Variants in ADAM23 observed in about 807,000 individuals in gnomAD.
ADAM23 encodes the protein disintegrin and metalloproteinase domain-containing protein 23.
Under a neutral mutation model 120.1 loss-of-function variants are expected in ADAM23, and 33 were observed. The ratio of observed to expected loss-of-function variants is 0.27; its 90% CI spans 0.21 to 0.37. The LOEUF (loss-of-function observed/expected upper bound fraction) is 0.37, where lower values mean the gene tolerates loss of function less well. ADAM23 is among the 10% of genes least tolerant of loss of function. The probability of loss-of-function intolerance (pLI) is 1.00; values close to 1 mark genes in which losing one functional copy is unlikely to be tolerated. For synonymous variants in ADAM23, 367 were observed against 375.2 expected, an observed-to-expected ratio of 0.98 and a Z score of 0.25; for missense variants, 862 against 1,058.2, an observed-to-expected ratio of 0.81 and a Z score of 2.57.
At chr2:206,448,844 G>A (rs1196646848) in intron 2 of ADAM23, among the ~76,000 whole-genome samples, 1 of 152,172 alleles carries the variant, frequency 6.6e-6, no homozygotes, top group South Asian at 2.1e-4. Context: ...TGTATTCTTT[G>A]TAATATCTGT....
chr2:206,540,831 G>A (rs920660951), intron 4 of ADAM23, among the ~76,000 whole-genome samples: 7 of 151,820 alleles, frequency 4.6e-5, no homozygotes, highest in African/African-American at 1.7e-4. Context: ...GGAAGTCGGG[G>A]ACTTCCCTAG....
At chr2:206,605,428 T>C (rs929301608) in intron 24 of ADAM23, among the ~76,000 whole-genome samples, 2 of 152,246 alleles carry the variant, frequency 1.3e-5, no homozygotes, top group African/African-American at 2.4e-5. Context: ...TTATAAACAA[T>C]TACTAATGGT....
At chr2:206,571,273 A>C (rs1183302472) in intron 16 of ADAM23, among the ~76,000 whole-genome samples, 1 of 152,002 alleles carries the variant, frequency 6.6e-6, no homozygotes, top group African/African-American at 2.4e-5. Context: ...CAGGAGATAG[A>C]GACCATCCTG....
chr2:206,487,967 C>A (rs12104778), intron 3 of ADAM23, among the ~76,000 whole-genome samples: 23,485 of 152,132 alleles, frequency 0.15, 2,707 homozygotes, highest in African/African-American at 0.31. Context: ...TTTAGGAAAA[C>A]AATCTTTATT....
intron 10 of ADAM23, among the ~76,000 whole-genome samples, chr2:206,558,698 C>T (rs1399239577): frequency 6.6e-6 from 1 of 152,204 alleles, no homozygotes; most frequent in East Asian, 1.9e-4. Flanking sequence ...TACTTGGTAG[C>T]ATCTCTGAAT....
intron 3 of ADAM23, among the ~76,000 whole-genome samples, chr2:206,518,009 A>G (rs1559244721): frequency 6.6e-6 from 1 of 152,190 alleles, no homozygotes; most frequent in African/African-American, 2.4e-5. Flanking sequence ...TTTGATCCAA[A>G]CACTGCAAGG....
At chr2:206,466,419 C>T (rs550268743) in intron 2 of ADAM23, among the ~76,000 whole-genome samples, 24 of 152,222 alleles carry the variant, frequency 1.6e-4, no homozygotes, top group African/African-American at 5.1e-4. Context: ...TTTTAAAACC[C>T]GATTAGTATG....
intron 4 of ADAM23, among the ~76,000 whole-genome samples, chr2:206,537,128 A>G (rs189710633): frequency 1.3e-5 from 2 of 152,328 alleles, no homozygotes; most frequent in East Asian, 3.9e-4. Flanking sequence ...AACCAAACAG[A>G]TAAAGATCCC....
intron 25 of ADAM23, among the ~76,000 whole-genome samples, chr2:206,612,165 A>G (rs558119297): frequency 6.6e-6 from 1 of 152,216 alleles, no homozygotes; most frequent in East Asian, 1.9e-4. Context: ...GTTGGTTGCT[A>G]CATGAGGACC....
chr2:206,458,925 A>G (rs944282539), intron 2 of ADAM23, among the ~76,000 whole-genome samples: 7 of 152,228 alleles, frequency 4.6e-5, no homozygotes, highest in African/African-American at 1.7e-4. Context: ...AAGAAATTTA[A>G]CAGGGTAGAA....
chr2:206,576,049 A>G (rs1308780898), intron 18 of ADAM23, among the ~76,000 whole-genome samples: 1 of 152,160 alleles, frequency 6.6e-6, no homozygotes, highest in African/African-American at 2.4e-5. Flanking sequence ...GGTACAGTGA[A>G]ATATGTTCAG....
chr2:206,500,515 G>A (rs760086719), intron 3 of ADAM23, among the ~76,000 whole-genome samples: 12 of 152,032 alleles, frequency 7.9e-5, no homozygotes, highest in Non-Finnish European at 1.6e-4. Flanking sequence ...AATGATACAG[G>A]GTCTGTAATC....
chr2:206,507,468 C>T (rs1246255360), intron 3 of ADAM23, among the ~76,000 whole-genome samples: 1 of 152,148 alleles, frequency 6.6e-6, no homozygotes, highest in African/African-American at 2.4e-5. Flanking sequence ...CTCCCACCTT[C>T]ACCTTCCACT....
chr2:206,575,919 A>G (rs1257428219), intron 18 of ADAM23, among the ~76,000 whole-genome samples: 1 of 152,188 alleles, frequency 6.6e-6, no homozygotes. Flanking sequence ...GGTTACACTG[A>G]GTTCCTTAAC....
At chr2:206,570,922 T>C in intron 16 of ADAM23, 111 bp downstream of exon 16, 1 of 888,394 alleles carries the variant, frequency 1.1e-6, no homozygotes, top group East Asian at 2.7e-5. Flanking sequence ...CCTTTCTTTC[T>C]CATCTCTCTG....
intron 3 of ADAM23, among the ~76,000 whole-genome samples, chr2:206,488,218 G>A (rs1451918805): frequency 6.6e-6 from 1 of 152,166 alleles, no homozygotes; most frequent in East Asian, 1.9e-4. Flanking sequence ...TGAGCTTCTC[G>A]TTTGCGTAAG....
intron 22 of ADAM23, 114 bp from the exon 23 acceptor site, chr2:206,594,623 G>A (rs1158286115): frequency 1.4e-5 from 17 of 1,193,254 alleles, no homozygotes; most frequent in Non-Finnish European, 2.0e-5. Flanking sequence ...AAAATGCTAG[G>A]AGAAATCCAC....
intron 24 of ADAM23, among the ~76,000 whole-genome samples, chr2:206,609,335 A>G (rs1213919550): frequency 6.6e-6 from 1 of 152,176 alleles, no homozygotes; most frequent in Non-Finnish European, 1.5e-5. Flanking sequence ...TTACCACTGT[A>G]AGGATAGTGA....
intron 11 of ADAM23, among the ~76,000 whole-genome samples, chr2:206,560,787 C>CA (rs1697747519): frequency 6.6e-6 from 1 of 152,122 alleles, no homozygotes; most frequent in African/African-American, 2.4e-5. Context: ...CTTTAATCAG[C>CA]AATTTTTAAT....
Sources: allele counts gnomAD v4.1 joint callset (sites outside exome capture counted in the v4.1 genomes callset), GRCh38; gene constraint gnomAD v4.1.1; transcripts MANE v1.5; gene names NCBI Gene and HGNC (gene_info 2026-07-23, HGNC 2026-07-21).